The following GOLM2 variants were observed in gnomAD, a reference collection of about 807,000 sequenced individuals.
GOLM2 encodes the protein protein GOLM2.
Under a neutral mutation model 55.9 loss-of-function variants are expected in GOLM2, and 26 were observed. The ratio of observed to expected loss-of-function variants is 0.47; its 90% confidence interval spans 0.34 to 0.65. The LOEUF (loss-of-function observed/expected upper bound fraction) is 0.65. Ranked by LOEUF, GOLM2 falls within the 30% of genes least tolerant of loss-of-function variation. The pLI, the probability that GOLM2 is intolerant of heterozygous loss-of-function variation, is 0.01. For missense variants in GOLM2, 486 were observed against 531.8 expected (o/e 0.91, Z 0.85); for synonymous variants, 165 against 194.6 (o/e 0.85, Z 1.27).
intron 6 of GOLM2, among the ~76,000 whole-genome samples, chr15:44,377,649 C>T (rs949120020): frequency 6.6e-6 from 1 of 152,138 alleles, no homozygotes; most frequent in South Asian, 2.1e-4. Flanking sequence ...GCTGGAATTA[C>T]AGGCGTGAGC....
chr15:44,345,005 G>T (rs1339405848), intron 6 of GOLM2, among the ~76,000 whole-genome samples: 1 of 150,756 alleles, frequency 6.6e-6, no homozygotes, highest in East Asian at 2.0e-4. Flanking sequence ...TACAGACGGG[G>T]TTTCACCATG....
chr15:44,306,295 T>C (rs912675355), intron 1 of GOLM2, among the ~76,000 whole-genome samples: 4 of 152,148 alleles, frequency 2.6e-5, no homozygotes, highest in Admixed American at 2.0e-4. Context: ...CTTTATGTTA[T>C]GGAGATTGCT....
chr15:44,387,764 GAA>G (rs879805357), intron 8 of GOLM2, among the ~76,000 whole-genome samples: 3 of 135,440 alleles, frequency 2.2e-5, no homozygotes, highest in Non-Finnish European at 1.6e-5. Flanking sequence ...CTCTCTCAAG[GAA>G]AAAAAAAAAA....
At position 44,310,466 on chromosome 15, in the gene GOLM2, A is replaced by C. The variant is rs1025547713; in HGVS notation, c.328-12499A>C. ...TCTCTCTCTCTCTCTATATATATAT[A>C]TATGTATATATATATATATATATAC... On this transcript the variant is annotated intron_variant, in intron 1 of 9. Transcript: ENST00000299957. 6.2e-3 allele frequency among the ~76,000 whole-genome samples: 833 copies of C among 133,442 alleles called. 4 individuals are homozygous for C. The highest frequency in any genetic ancestry group is 0.018 in the African/African-American group (619 of 33,666). The allele number at this position is 133,442 out of a possible 152,430, so 87.5% of individuals were successfully genotyped here. A position where few individuals can be genotyped will look rare whatever the true frequency, so the allele number is the denominator to read the frequency against.
At chr15:44,313,483 G>T (rs574164820) in intron 1 of GOLM2, among the ~76,000 whole-genome samples, 1 of 152,080 alleles carries the variant, frequency 6.6e-6, no homozygotes, top group Admixed American at 6.5e-5. Flanking sequence ...TCATAGTTTT[G>T]TGTCTGTAAT....
intron 5 of GOLM2, 28 bp downstream of exon 5, chr15:44,337,935 G>A (rs1325352354): frequency 6.4e-7 from 1 of 1,550,684 alleles, no homozygotes; most frequent in East Asian, 2.3e-5. Flanking sequence ...CTTTTGTTTT[G>A]TATTAATAGG....
intron 1 of GOLM2, among the ~76,000 whole-genome samples, chr15:44,299,335 C>T (rs1256360316): frequency 6.6e-6 from 1 of 151,812 alleles, no homozygotes; most frequent in Non-Finnish European, 1.5e-5. Flanking sequence ...CTCTGTCGCC[C>T]AGGCTGGAGT....
rs147797800 is a variant in GOLM2, at chr15:44,396,400, G to A, written c.1073-6487G>A. 3.0e-3 allele frequency among the ~76,000 whole-genome samples: 454 copies of A among 152,036 alleles called. 3 individuals are homozygous for A. The highest frequency in any genetic ancestry group is 4.6e-3 in the Non-Finnish European group (313 of 67,966). On this transcript the variant is annotated intron_variant, in intron 8 of 9. Coordinates refer to ENST00000299957, the MANE Select transcript of GOLM2 (RefSeq NM_138423.4). ...TAATAAAACATAAAATTTTAGCCACGAGAAATGGCTACATTTGCTTTCTCA... is the reference window on the plus strand; with the variant it reads ...TAATAAAACATAAAATTTTAGCCACAAGAAATGGCTACATTTGCTTTCTCA...
chr15:44,379,638 T>TTTA, intron 6 of GOLM2, 52 bp from the exon 7 acceptor site: 8 of 710,014 alleles, frequency 1.1e-5, no homozygotes, highest in East Asian at 2.8e-5. Context: ...TTTTTTTTTT[T>TTTA]AGAAATCATA....
intron 1 of GOLM2, among the ~76,000 whole-genome samples, chr15:44,292,893 C>T (rs1005314016): frequency 1.3e-5 from 2 of 152,144 alleles, no homozygotes; most frequent in Non-Finnish European, 2.9e-5. Context: ...TAGTTTACTA[C>T]AGCCTCAAAC....
chr15:44,318,181 T>C (rs1458216043), intron 1 of GOLM2, among the ~76,000 whole-genome samples: 1 of 152,188 alleles, frequency 6.6e-6, no homozygotes, highest in African/African-American at 2.4e-5. Context: ...TTCATGTAAT[T>C]CATATATCAT....
chr15:44,365,731 G>A (rs985116019), intron 6 of GOLM2, among the ~76,000 whole-genome samples: 1 of 152,070 alleles, frequency 6.6e-6, no homozygotes, highest in South Asian at 2.1e-4. Flanking sequence ...GATTTTTAGG[G>A]CAGTGAAATG....
intron 9 of GOLM2, among the ~76,000 whole-genome samples, chr15:44,409,025 C>A (rs1595671511): frequency 6.6e-6 from 1 of 152,214 alleles, no homozygotes; most frequent in East Asian, 1.9e-4. Flanking sequence ...TGCCTGTAAT[C>A]CCAGCACTTT....
At chr15:44,322,413 T>A (rs1195658599) in intron 1 of GOLM2, among the ~76,000 whole-genome samples, 2 of 152,108 alleles carry the variant, frequency 1.3e-5, no homozygotes, top group African/African-American at 4.8e-5. Flanking sequence ...TTAATGTGAA[T>A]CTGCCTGTGC....
intron 4 of GOLM2, among the ~76,000 whole-genome samples, chr15:44,335,012 A>C (rs1307122407): frequency 6.6e-6 from 1 of 152,202 alleles, no homozygotes; most frequent in African/African-American, 2.4e-5. Flanking sequence ...GCCTGACAGC[A>C]GAACGAGACT....
At chr15:44,379,616 TG>T (rs993703285) in intron 6 of GOLM2, 73 bp from the exon 7 acceptor site, 29 of 749,666 alleles carry the variant, frequency 3.9e-5, no homozygotes, top group Admixed American at 2.4e-5. Flanking sequence ...TGATTCACGG[TG>T]GTTTTTTTTT....
At chr15:44,334,357 A>G (rs1337239402) in intron 4 of GOLM2, among the ~76,000 whole-genome samples, 1 of 152,220 alleles carries the variant, frequency 6.6e-6, no homozygotes, top group Admixed American at 6.5e-5. Flanking sequence ...AATGTTAGCT[A>G]TATGAAATAA....
chr15:44,352,233 A>G (rs2079169305), intron 6 of GOLM2, among the ~76,000 whole-genome samples: 1 of 152,210 alleles, frequency 6.6e-6, no homozygotes. Context: ...ACATAGACCA[A>G]TGAAACAGAA....
intron 6 of GOLM2, among the ~76,000 whole-genome samples, chr15:44,344,772 TTTAA>T (rs1165178595): frequency 6.7e-6 from 1 of 150,218 alleles, no homozygotes; most frequent in Non-Finnish European, 1.5e-5. Flanking sequence ...TATTTATTTA[TTTAA>T]TTAATTTTTT....
Sources: allele counts gnomAD v4.1 joint callset (sites outside exome capture counted in the v4.1 genomes callset), GRCh38; gene constraint gnomAD v4.1.1; transcripts MANE v1.5; gene names NCBI Gene and HGNC (gene_info 2026-07-23, HGNC 2026-07-21).